The following AHCYL2 variants were observed in gnomAD, a reference collection of about 807,000 sequenced individuals.
AHCYL2 encodes the protein S-adenosylhomocysteine hydrolase-like protein 2.
AHCYL2 carries 28 observed loss-of-function variants against 81.4 expected under a neutral mutation model. That is an observed-to-expected ratio of 0.34 (90% CI 0.25 to 0.47). The LOEUF (loss-of-function observed/expected upper bound fraction) is 0.47, where lower values mean the gene tolerates loss of function less well. Ranked by LOEUF, AHCYL2 falls within the 20% of genes least tolerant of loss-of-function variation. The probability of loss-of-function intolerance (pLI) is 1.00; values close to 1 mark genes in which losing one functional copy is unlikely to be tolerated. For missense variants in AHCYL2, 551 were observed against 785.1 expected (o/e 0.70, Z 3.56); for synonymous variants, 272 against 290.2 (o/e 0.94, Z 0.64).
intron 1 of AHCYL2, among the ~76,000 whole-genome samples, chr7:129,336,558 G>A (rs1015860101): frequency 6.6e-6 from 1 of 152,062 alleles, no homozygotes; most frequent in African/African-American, 2.4e-5. Context: ...ACCTTATTCT[G>A]TAGACAGTTG....
intron 1 of AHCYL2, among the ~76,000 whole-genome samples, chr7:129,306,391 A>T (rs979406201): frequency 6.6e-6 from 1 of 151,882 alleles, no homozygotes; most frequent in Non-Finnish European, 1.5e-5. Flanking sequence ...TGCATTCTTC[A>T]GTGTGTCAAT....
intron 1 of AHCYL2, among the ~76,000 whole-genome samples, chr7:129,288,201 T>C (rs1014059130): frequency 6.6e-6 from 1 of 152,164 alleles, no homozygotes; most frequent in East Asian, 1.9e-4. Context: ...TCTTCTCCCC[T>C]GCTTTTTGTT....
intron 1 of AHCYL2, among the ~76,000 whole-genome samples, chr7:129,226,660 A>G (rs868317363): frequency 1.3e-5 from 2 of 152,212 alleles, no homozygotes; most frequent in Admixed American, 1.3e-4. Flanking sequence ...TAATCCTTTC[A>G]TCCTAACGAT....
At chr7:129,310,204 A>G (rs1584769826) in intron 1 of AHCYL2, among the ~76,000 whole-genome samples, 1 of 152,162 alleles carries the variant, frequency 6.6e-6, no homozygotes, top group East Asian at 1.9e-4. Context: ...AAAAAAAGAA[A>G]AAAGATGACA....
chr7:129,274,109 T>C lies in AHCYL2; in HGVS notation c.363+48670T>C, dbSNP rs139109331. Reference sequence around the variant, plus strand: ...GAGGAACTGGTGATATGTGTCTGATTAGATTTCAGAATTGTTATGGGCCAG... The same window carrying C: ...GAGGAACTGGTGATATGTGTCTGATCAGATTTCAGAATTGTTATGGGCCAG... On this transcript the variant is annotated intron_variant, in intron 1 of 16. Coordinates refer to ENST00000325006, the MANE Select transcript of AHCYL2 (RefSeq NM_015328.4). Among the ~76,000 whole-genome samples the C allele has an allele frequency of 8.5e-5, 13 of 152,344 alleles. No individual in the cohort carries two copies. In the East Asian group the frequency reaches 2.3e-3, roughly 27 times the overall value.
intron 1 of AHCYL2, among the ~76,000 whole-genome samples, chr7:129,304,636 C>T (rs1454373200): frequency 6.6e-6 from 1 of 152,020 alleles, no homozygotes; most frequent in East Asian, 1.9e-4. Flanking sequence ...ATATAATGAC[C>T]TTTTTCTGTC....
At chr7:129,228,248 T>C (rs971406847) in intron 1 of AHCYL2, among the ~76,000 whole-genome samples, 1 of 152,270 alleles carries the variant, frequency 6.6e-6, no homozygotes, top group African/African-American at 2.4e-5. Flanking sequence ...TTTCCATAGA[T>C]GGTTTTCCTT....
intron 2 of AHCYL2, among the ~76,000 whole-genome samples, chr7:129,381,511 C>T (rs1263042442): frequency 2.0e-5 from 3 of 152,072 alleles, no homozygotes; most frequent in Admixed American, 6.5e-5. Flanking sequence ...AATTGTCTAC[C>T]TAATGTATCT....
Position 129,368,679 on chromosome 7 carries a change from A to C in AHCYL2, c.364-10959A>C, listed in dbSNP as rs1794222893. On this transcript the variant is annotated intron_variant, in intron 1 of 16. Transcript: ENST00000325006. This position sits in a 1 kb window ranked among gnomAD's most constrained non-coding sequence, Gnocchi z 4.4. ...ATCCGTGGTTGGAAAAACAGTTATTACTCTACGTTCTGATTAGTTCCTAGG... is the reference window on the plus strand; with the variant it reads ...ATCCGTGGTTGGAAAAACAGTTATTCCTCTACGTTCTGATTAGTTCCTAGG... 1 of 1,133,570 alleles carries C rather than the reference A, an allele frequency of 8.8e-7. No homozygotes were observed. Among genetic ancestry groups the C allele is most frequent in the Non-Finnish European group, 1.3e-6 (1 of 767,410 alleles). The allele number at this position is 1,133,570 out of a possible 1,614,324, so 70.2% of individuals were successfully genotyped here. A position where few individuals can be genotyped will look rare whatever the true frequency, so the allele number is the denominator to read the frequency against.
rs957346512 is a variant in AHCYL2 at position 129,256,720 on chromosome 7, G to T, written c.363+31281G>T. On this transcript the variant is annotated intron_variant, in intron 1 of 16. Coordinates refer to ENST00000325006, the MANE Select transcript of AHCYL2 (RefSeq NM_015328.4). ...ATCAATACTGTAATGAATATCTTTG[G>T]GTATATCTGTTGAACACCTATGTGA... Among the ~76,000 whole-genome samples, 4 of 151,108 alleles carry T rather than the reference G, an allele frequency of 2.6e-5. No homozygotes were observed. In the East Asian group the frequency reaches 7.7e-4, roughly 29 times the overall value.
chr7:129,375,328 T>C (rs1794628279), intron 1 of AHCYL2, among the ~76,000 whole-genome samples: 1 of 136,924 alleles, frequency 7.3e-6, no homozygotes, highest in Non-Finnish European at 1.6e-5. Context: ...CTTGGCACCA[T>C]TAATTTTTTT....
chr7:129,250,155 T>C (rs1795201210), intron 1 of AHCYL2, among the ~76,000 whole-genome samples: 1 of 151,826 alleles, frequency 6.6e-6, no homozygotes, highest in Non-Finnish European at 1.5e-5. Flanking sequence ...AAAAGTTAGC[T>C]GGGCATGGTG....
chr7:129,269,385 A>C (rs879546618), intron 1 of AHCYL2, among the ~76,000 whole-genome samples: 4 of 151,898 alleles, frequency 2.6e-5, no homozygotes, highest in Non-Finnish European at 4.4e-5. Flanking sequence ...TCCTGGGTTC[A>C]GGTGATTCTC....
chr7:129,276,080 A>G (rs573385832), intron 1 of AHCYL2, among the ~76,000 whole-genome samples: 72 of 152,288 alleles, frequency 4.7e-4, no homozygotes, highest in African/African-American at 1.5e-3. Flanking sequence ...AAGATAACCA[A>G]AATAATTTTA....
At chr7:129,383,756 C>T (rs7787531) in intron 2 of AHCYL2, among the ~76,000 whole-genome samples, 133,749 of 152,108 alleles carry the variant, frequency 0.88, 59,234 homozygotes, top group East Asian at 0.98. Context: ...TTTTGAAACA[C>T]GCCATGCACT....
At chr7:129,273,557 A>T (rs1796093222) in intron 1 of AHCYL2, among the ~76,000 whole-genome samples, 1 of 151,212 alleles carries the variant, frequency 6.6e-6, no homozygotes, top group Non-Finnish European at 1.5e-5. Context: ...CGAACTCCCG[A>T]CCTCAGGTGA....
chr7:129,391,803 T>G (rs1035826990), intron 4 of AHCYL2, among the ~76,000 whole-genome samples: 1 of 152,244 alleles, frequency 6.6e-6, no homozygotes, highest in African/African-American at 2.4e-5. Flanking sequence ...CAGCTTCTAT[T>G]AGCATCTTCA....
At chr7:129,410,203 GCT>G (rs1796502207) in intron 11 of AHCYL2, 1 of 1,612,260 alleles carries the variant, frequency 6.2e-7, no homozygotes, top group African/African-American at 1.3e-5. Context: ...TTTGTTCCCG[GCT>G]CTTGGGATCA....
intron 1 of AHCYL2, among the ~76,000 whole-genome samples, chr7:129,326,815 A>G (rs1244594803): frequency 1.3e-5 from 2 of 152,160 alleles, no homozygotes; most frequent in African/African-American, 4.8e-5. Flanking sequence ...AGTGAGAAAG[A>G]GAGTCTGTCC....
Sources: allele counts gnomAD v4.1 joint callset (sites outside exome capture counted in the v4.1 genomes callset), GRCh38; gene constraint gnomAD v4.1.1; non-coding constraint Gnocchi (gnomAD v3.1); transcripts MANE v1.5; gene names NCBI Gene and HGNC (gene_info 2026-07-23, HGNC 2026-07-21).